Variants in TANK observed in about 807,000 individuals in gnomAD.
TANK encodes TRAF family member-associated NF-kappa-B activator.
A neutral mutation model predicts 43.6 loss-of-function variants in TANK; 15 were observed. The observed-to-expected ratio is 0.34, with a 90% CI of 0.23 to 0.53. TANK has a LOEUF of 0.53. TANK is among the 20% of genes least tolerant of loss of function. TANK has a pLI of 0.94. For synonymous variants in TANK, 162 were observed against 178.2 expected (o/e 0.91, Z 0.73); for missense variants, 417 against 498.6 (o/e 0.84, Z 1.56).
chr2:161,191,054 C>T (rs1685893253), intron 2 of TANK, among the ~76,000 whole-genome samples: 2 of 152,184 alleles, frequency 1.3e-5, no homozygotes, highest in South Asian at 2.1e-4. Flanking sequence ...CCTTTTACCA[C>T]TTAGCTGTCT....
chr2:161,137,781 C>T (rs1230380415), intron 1 of TANK: 1 of 152,042 alleles, frequency 6.6e-6, no homozygotes, highest in Non-Finnish European at 1.5e-5. Context: ...GGAGACCAGC[C>T]TGACCAACAT....
intron 2 of TANK, among the ~76,000 whole-genome samples, chr2:161,187,262 A>G (rs1388226043): frequency 6.6e-6 from 1 of 152,056 alleles, no homozygotes; most frequent in Non-Finnish European, 1.5e-5. Flanking sequence ...TCCCATCTGT[A>G]CAAAAAAACA....
At position 161,188,057 on chromosome 2, in the gene TANK, G is replaced by A. The variant is rs990310616; in HGVS notation, c.99+8296G>A. ...CCAAAACTTCTAGGATGCAGTAAAAGCAGTGAATAGAGAAATGTTTAGCTG... is the reference window on the plus strand; with the variant it reads ...CCAAAACTTCTAGGATGCAGTAAAAACAGTGAATAGAGAAATGTTTAGCTG... On this transcript the variant is annotated intron_variant, in intron 2 of 7. Coordinates refer to ENST00000392749, the MANE Select transcript of TANK (RefSeq NM_001199135.3). 2.0e-5 allele frequency among the ~76,000 whole-genome samples: 3 copies of A among 152,262 alleles called. No individual in the cohort carries two copies. In the South Asian group the frequency reaches 6.2e-4, roughly 32 times the overall value.
At chr2:161,165,973 A>G (rs1318117314) in intron 1 of TANK, among the ~76,000 whole-genome samples, 1 of 152,246 alleles carries the variant, frequency 6.6e-6, no homozygotes, top group Non-Finnish European at 1.5e-5. Context: ...TCTCAGAGAA[A>G]GAAGTATTAC....
intron 2 of TANK, among the ~76,000 whole-genome samples, chr2:161,182,763 G>T (rs1317822331): frequency 6.6e-6 from 1 of 152,106 alleles, no homozygotes; most frequent in East Asian, 1.9e-4. Context: ...CACAAAAAGG[G>T]TGTGATCTAA....
intron 1 of TANK, among the ~76,000 whole-genome samples, chr2:161,151,263 A>G (rs1684073164): frequency 6.6e-6 from 1 of 152,154 alleles, no homozygotes; most frequent in African/African-American, 2.4e-5. Flanking sequence ...TTGGGGTGGA[A>G]TGCTCTACAT....
At chr2:161,164,721 T>C (rs1181180483) in intron 1 of TANK, among the ~76,000 whole-genome samples, 3 of 152,184 alleles carry the variant, frequency 2.0e-5, no homozygotes, top group Non-Finnish European at 4.4e-5. Context: ...TATAAAAGCT[T>C]TTTAAATTGT....
rs1427776122 is a variant in TANK at position 161,179,703 on chromosome 2, A to C, written c.41A>C (p.Glu14Ala). Residue 14 changes from glutamate to alanine, a missense_variant, in exon 2 of 8, where the codon GAA (glutamate) becomes GCA (alanine). Physicochemically the swap from Glu to Ala is moderately radical, Grantham distance 107 (BLOSUM62 -1). Transcript: ENST00000392749. Reference sequence around the variant, plus strand: ...GGCGAGCAACTCAATAAAGCGTATGAAGCCTTCCGGCAGGCATGCATGGAT... The same window carrying C: ...GGCGAGCAACTCAATAAAGCGTATGCAGCCTTCCGGCAGGCATGCATGGAT... The part of the protein sequence containing the change: ...NIGEQLNKAY[E>A]AFRQACMDRD... 6.2e-7 allele frequency: 1 copy of C among 1,613,298 alleles called. No individual in the cohort carries two copies. Among genetic ancestry groups the C allele is most frequent in the Admixed American group, 1.7e-5 (1 of 59,878 alleles).
intron 1 of TANK, chr2:161,161,463 T>C: frequency 6.5e-7 from 1 of 1,547,182 alleles, no homozygotes; most frequent in Non-Finnish European, 8.7e-7. Flanking sequence ...GTGTCCTCAT[T>C]TGAGAGAGGA....
upstream of TANK, chr2:161,160,223 T>C (rs1332786712): frequency 1.0e-5 from 4 of 393,826 alleles, no homozygotes; most frequent in Admixed American, 4.4e-5. Flanking sequence ...CTGACGCTTT[T>C]TTTTTCTAAG....
At chr2:161,196,781 G>A (rs904225079) in intron 2 of TANK, among the ~76,000 whole-genome samples, 11 of 152,026 alleles carry the variant, frequency 7.2e-5, no homozygotes, top group Non-Finnish European at 1.6e-4. Context: ...ACTTGAACCT[G>A]GGAGGTGGAG....
At position 161,144,724 on chromosome 2, in the gene TANK, G is replaced by A. The variant is rs151193087; in HGVS notation, c.-50+7661G>A. 2.5e-3 allele frequency among the ~76,000 whole-genome samples: 381 copies of A among 152,220 alleles called. 1 individual carries two copies. The highest frequency in any genetic ancestry group is 0.017 in the Middle Eastern group (5 of 294). ...GGAGTGTTTTACTTCCAATTATGTGGTCTATTTTAGAGTAAGTGCCATGTG... is the reference window on the plus strand; with the variant it reads ...GGAGTGTTTTACTTCCAATTATGTGATCTATTTTAGAGTAAGTGCCATGTG... On this transcript the variant is annotated intron_variant, in intron 1 of 7. Transcript: ENST00000259075.
chr2:161,184,912 A>G (rs1439076747), intron 2 of TANK, among the ~76,000 whole-genome samples: 2 of 152,016 alleles, frequency 1.3e-5, no homozygotes, highest in Non-Finnish European at 2.9e-5. Context: ...ATATGGAAGT[A>G]ATGGATTTTA....
intron 7 of TANK, among the ~76,000 whole-genome samples, chr2:161,234,177 C>A (rs1318501076): frequency 1.3e-5 from 2 of 152,106 alleles, no homozygotes; most frequent in East Asian, 3.9e-4. Context: ...GTCGTGAAAT[C>A]CAAGTGCTTC....
At chr2:161,231,596 C>T (rs759893401) in intron 7 of TANK, 45 bp downstream of exon 7, 40 of 1,544,848 alleles carry the variant, frequency 2.6e-5, no homozygotes, top group Non-Finnish European at 3.5e-5. Context: ...TGTGAACACA[C>T]ATTTTGCCAT....
chr2:161,184,403 G>T (rs926742693), intron 2 of TANK, among the ~76,000 whole-genome samples: 3 of 152,056 alleles, frequency 2.0e-5, no homozygotes, highest in Admixed American at 6.6e-5. Flanking sequence ...CTATCCAGTT[G>T]CACTTTATGC....
At position 161,204,719 on chromosome 2, in the gene TANK, A is replaced by G; in HGVS notation, c.253A>G (p.Arg85Gly). 1 of 1,610,012 alleles carries G rather than the reference A, an allele frequency of 6.2e-7. No homozygotes were observed. The highest frequency in any genetic ancestry group is 1.1e-5 in the South Asian group (1 of 90,374). ...CVPLLEDSET[R>G]KNNLTLDQPQ... ...TCCTCTGCTTGAAGACAGTGAAACA[A>G]GAAAGAATAATTTGACTCTTGATCA... The change falls in exon 4 of 8, where the codon AGA becomes GGA. Residue 85 changes from arginine (R) to glycine (G), a missense_variant. Arg to Gly is a moderately radical substitution (Grantham distance 125). Coordinates refer to ENST00000392749, the MANE Select transcript of TANK (RefSeq NM_001199135.3).
intron 1 of TANK, among the ~76,000 whole-genome samples, chr2:161,152,662 C>A (rs1684112300): frequency 6.6e-6 from 1 of 152,062 alleles, no homozygotes; most frequent in African/African-American, 2.4e-5. Context: ...AGAAGGAACT[C>A]AATAAATACT....
At chr2:161,160,362 G>A, upstream of TANK, 1 of 1,156,100 alleles carries the variant, frequency 8.6e-7, no homozygotes, top group Non-Finnish European at 1.1e-6. Flanking sequence ...GAGGTGAAGA[G>A]TTAATGGCTC....
Sources: gnomAD v4.1 joint callset for allele counts (sites outside exome capture counted in the v4.1 genomes callset) on GRCh38, gnomAD v4.1.1 for gene constraint, MANE v1.5 for transcripts, NCBI Gene and HGNC (gene_info 2026-07-23, HGNC 2026-07-21) for gene names.